The following VPS13B variants were observed in gnomAD, a reference collection of about 807,000 sequenced individuals.
The protein encoded by VPS13B is vacuolar protein sorting 13 homolog B.
Under a neutral mutation model 426.4 loss-of-function variants are expected in VPS13B, and 285 were observed. The observed-to-expected ratio is 0.67, with a 90% confidence interval of 0.61 to 0.74. The LOEUF (loss-of-function observed/expected upper bound fraction) is 0.74. Among genes scored for constraint, VPS13B ranks in the 30% least tolerant of loss-of-function variants. VPS13B has a pLI of 0.00. For missense variants in VPS13B, 4,537 were observed against 4,782.6 expected (o/e 0.95, Z 1.51); for synonymous variants, 1,676 against 1,676.4 (o/e 1.00, Z 0.01).
At chr8:99,733,894 C>T (rs1833703764) in intron 39 of VPS13B, among the ~76,000 whole-genome samples, 3 of 152,010 alleles carry the variant, frequency 2.0e-5, no homozygotes, top group African/African-American at 7.2e-5. Flanking sequence ...CATACAATTC[C>T]CTAATTTAAA....
At chr8:99,800,612 G>T (rs913452714) in intron 43 of VPS13B, among the ~76,000 whole-genome samples, 1 of 152,014 alleles carries the variant, frequency 6.6e-6, no homozygotes, top group Non-Finnish European at 1.5e-5. Context: ...AGTTCACTTA[G>T]ATTTAATTTT....
chr8:99,057,644 A>G (rs955826455), intron 3 of VPS13B, among the ~76,000 whole-genome samples: 7 of 152,160 alleles, frequency 4.6e-5, no homozygotes, highest in African/African-American at 1.7e-4. Context: ...GAACTCCAGC[A>G]TAAGAGCTAA....
intron 8 of VPS13B, among the ~76,000 whole-genome samples, chr8:99,130,489 G>A (rs1246292141): frequency 1.3e-5 from 2 of 150,166 alleles, no homozygotes; most frequent in Non-Finnish European, 2.9e-5. Context: ...CCGGGTTCAC[G>A]CCATTCTCCT....
chr8:99,040,301 G>C (rs755214973), intron 3 of VPS13B, among the ~76,000 whole-genome samples: 2 of 152,144 alleles, frequency 1.3e-5, no homozygotes, highest in African/African-American at 2.4e-5. Context: ...GGAATGATCA[G>C]ATTTCCTGCT....
At chr8:99,700,205 A>G (rs1230354680) in intron 36 of VPS13B, among the ~76,000 whole-genome samples, 1 of 152,212 alleles carries the variant, frequency 6.6e-6, no homozygotes, top group Non-Finnish European at 1.5e-5. Flanking sequence ...TTTTTACCTA[A>G]AACAGCTATA....
intron 2 of VPS13B, among the ~76,000 whole-genome samples, chr8:99,025,085 G>A (rs188239826): frequency 6.6e-6 from 1 of 151,894 alleles, no homozygotes; most frequent in Non-Finnish European, 1.5e-5. Flanking sequence ...TTCTTTTTCA[G>A]CTAGTTTGTT....
At chr8:99,875,056 G>A in intron 61 of VPS13B, 1 of 331,258 alleles carries the variant, frequency 3.0e-6, no homozygotes, top group South Asian at 2.8e-5. Flanking sequence ...GATGATTTAT[G>A]TGGAGGAAAG....
intron 40 of VPS13B, among the ~76,000 whole-genome samples, chr8:99,770,098 G>A (rs1004974140): frequency 5.3e-5 from 8 of 152,146 alleles, no homozygotes; most frequent in African/African-American, 1.9e-4. Flanking sequence ...GGCAGAGGCT[G>A]CAGTGAGCCA....
intron 17 of VPS13B, among the ~76,000 whole-genome samples, chr8:99,211,429 A>G (rs572976435): frequency 1.1e-4 from 16 of 152,288 alleles, no homozygotes; most frequent in Admixed American, 3.9e-4. Context: ...GCCCTGAAAG[A>G]CAATCATCTT....
At chr8:99,412,648 T>C (rs1393063282) in intron 21 of VPS13B, among the ~76,000 whole-genome samples, 1 of 152,172 alleles carries the variant, frequency 6.6e-6, no homozygotes, top group Non-Finnish European at 1.5e-5. Flanking sequence ...TGTCTTTTGC[T>C]GGTTTTCAAA....
intron 19 of VPS13B, among the ~76,000 whole-genome samples, chr8:99,282,303 A>G (rs904388137): frequency 6.6e-6 from 1 of 152,170 alleles, no homozygotes; most frequent in Non-Finnish European, 1.5e-5. Context: ...ATGTTTGAAA[A>G]TATCTTCTTT....
chr8:99,706,561 A>G (rs1190486729), intron 36 of VPS13B, among the ~76,000 whole-genome samples: 9 of 152,160 alleles, frequency 5.9e-5, no homozygotes, highest in Non-Finnish European at 1.3e-4. Flanking sequence ...ATCCACCTTC[A>G]GATCTTATCT....
chr8:99,659,185 C>G (rs1006642177), intron 34 of VPS13B, among the ~76,000 whole-genome samples: 7 of 151,954 alleles, frequency 4.6e-5, no homozygotes, highest in African/African-American at 1.7e-4. Flanking sequence ...AGATTTGTTT[C>G]TTTAATTATT....
At chr8:99,109,124 TA>T (rs1017105538) in intron 5 of VPS13B, among the ~76,000 whole-genome samples, 6 of 152,264 alleles carry the variant, frequency 3.9e-5, no homozygotes, top group Admixed American at 6.5e-5. Flanking sequence ...ACTATGCTTT[TA>T]ATATTTCTAT....
intron 39 of VPS13B, among the ~76,000 whole-genome samples, chr8:99,766,066 CTTTT>C (rs71274933): frequency 3.8e-5 from 2 of 52,312 alleles, no homozygotes; most frequent in Non-Finnish European, 6.5e-5. Flanking sequence ...ACCTTCATTA[CTTTT>C]TTTTTTTTTT....
intron 19 of VPS13B, among the ~76,000 whole-genome samples, chr8:99,291,634 G>A (rs1287896820): frequency 6.6e-6 from 1 of 151,958 alleles, no homozygotes; most frequent in East Asian, 1.9e-4. Context: ...TAATTGATTG[G>A]GAGAGAAGTT....
chr8:99,391,884 C>A (rs1814467139), intron 21 of VPS13B, among the ~76,000 whole-genome samples, 180 bp downstream of exon 21: 1 of 152,036 alleles, frequency 6.6e-6, no homozygotes, highest in African/African-American at 2.4e-5. Flanking sequence ...GTGTTAGTGC[C>A]CTGAGCCCAG....
intron 37 of VPS13B, 41 bp downstream of exon 37, chr8:99,717,414 C>CTA (rs1176115298): frequency 1.3e-6 from 2 of 1,536,666 alleles, no homozygotes; most frequent in African/African-American, 2.7e-5. Flanking sequence ...AGGTTATTAA[C>CTA]TAGCCTCTGT....
intron 55 of VPS13B, among the ~76,000 whole-genome samples, chr8:99,852,909 C>T (rs1816366790): frequency 6.6e-6 from 1 of 151,990 alleles, no homozygotes; most frequent in African/African-American, 2.4e-5. Context: ...GGAGGGATGT[C>T]TTTGAGTAGG....
Sources: allele counts gnomAD v4.1 joint callset (sites outside exome capture counted in the v4.1 genomes callset), GRCh38; gene constraint gnomAD v4.1.1; transcripts MANE v1.5; gene names NCBI Gene and HGNC (gene_info 2026-07-23, HGNC 2026-07-21).